Variants in RBFOX1 observed in about 807,000 individuals in gnomAD.
The protein encoded by RBFOX1 is RNA binding protein fox-1 homolog 1.
In RBFOX1, 8 loss-of-function variants were observed where a neutral mutation model predicts 57.7. The observed-to-expected ratio is 0.14, with a 90% CI of 0.08 to 0.25. The LOEUF is 0.25. Ranked by LOEUF, RBFOX1 falls within the 10% of genes least tolerant of loss-of-function variation. RBFOX1 has a pLI of 1.00. For missense variants in RBFOX1, 611 were observed against 548.5 expected (o/e 1.11, Z -1.14); for synonymous variants, 326 against 222.4 (o/e 1.47, Z -4.15).
chr16:7,055,579 C>T (rs2051894334), intron 4 of RBFOX1, among the ~76,000 whole-genome samples: 1 of 152,126 alleles, frequency 6.6e-6, no homozygotes, highest in Non-Finnish European at 1.5e-5. Context: ...CATTTTACTG[C>T]AGGAAAATAA....
chr16:6,767,914 CAAT>C (rs71408408), intron 3 of RBFOX1, among the ~76,000 whole-genome samples: 4,841 of 117,718 alleles, frequency 0.041, 95 homozygotes, highest in Middle Eastern at 0.11. Flanking sequence ...GACTCTATCT[CAAT>C]AATAATAATA....
chr16:5,923,062 C>A (rs1186033827), intron 4 of RBFOX1, among the ~76,000 whole-genome samples: 1 of 152,120 alleles, frequency 6.6e-6, no homozygotes, highest in African/African-American at 2.4e-5. Context: ...GGATGGTTTT[C>A]ACATTAACCT....
At chr16:7,242,482 A>G (rs2094115472) in intron 4 of RBFOX1, among the ~76,000 whole-genome samples, 1 of 152,200 alleles carries the variant, frequency 6.6e-6, no homozygotes, top group Admixed American at 6.5e-5. Context: ...TTGAATTTAT[A>G]GATACAGTGT....
intron 2 of RBFOX1, among the ~76,000 whole-genome samples, chr16:6,549,978 T>C (rs911643069): frequency 2.0e-5 from 3 of 152,200 alleles, no homozygotes; most frequent in African/African-American, 7.2e-5. Flanking sequence ...CAGTGGATTT[T>C]CTGACACTTT....
chr16:6,308,706 A>G (rs528490935), intron 1 of RBFOX1, among the ~76,000 whole-genome samples: 2 of 152,336 alleles, frequency 1.3e-5, no homozygotes, highest in Admixed American at 6.5e-5. Context: ...CAGAAATTGC[A>G]TCCCTGATTT....
chr16:6,947,554 A>G (rs981992050), intron 3 of RBFOX1, among the ~76,000 whole-genome samples: 7 of 152,146 alleles, frequency 4.6e-5, no homozygotes, highest in Admixed American at 1.3e-4. Context: ...ACATGAATGG[A>G]CTTGAGTTCC....
rs764749804 is a variant in RBFOX1, at chr16:6,655,038, C to A, written c.-16+388C>A. 3.2e-4 allele frequency among the ~76,000 whole-genome samples: 49 copies of A among 151,534 alleles called. 1 individual carries two copies. The highest frequency in any genetic ancestry group is 3.7e-4 in the Non-Finnish European group (25 of 67,954). ...ACATTATAGAATATATAATATTAGG[C>A]TTCCCAGGGTGTGTCCCTATATATC... On this transcript the variant is annotated intron_variant, in intron 3 of 15. Transcript: ENST00000550418.
intron 3 of RBFOX1, among the ~76,000 whole-genome samples, chr16:6,824,794 A>T (rs537783503): frequency 6.6e-6 from 1 of 152,078 alleles, no homozygotes; most frequent in Non-Finnish European, 1.5e-5. Flanking sequence ...AATTAAATAT[A>T]TTTTTAAATT....
At chr16:6,990,493 C>A (rs147269855) in intron 3 of RBFOX1, among the ~76,000 whole-genome samples, 1 of 151,976 alleles carries the variant, frequency 6.6e-6, no homozygotes. Flanking sequence ...CCACTGCATT[C>A]CCACCTGGGC....
chr16:7,441,028 G>C (rs567838907), intron 4 of RBFOX1, among the ~76,000 whole-genome samples: 39 of 148,356 alleles, frequency 2.6e-4, no homozygotes, highest in South Asian at 4.4e-4. Flanking sequence ...GGTGACAGAG[G>C]ACCCATTTCT....
chr16:7,664,817 T>G, intron 12 of RBFOX1, 112 bp from the exon 13 acceptor site: 1 of 1,588,724 alleles, frequency 6.3e-7, no homozygotes, highest in Non-Finnish European at 8.6e-7. Context: ...GATCCTCGGT[T>G]CCTGTGTTTT....
intron 2 of RBFOX1, among the ~76,000 whole-genome samples, chr16:5,561,633 C>G (rs560628570): frequency 1.5e-4 from 23 of 152,140 alleles, no homozygotes; most frequent in Non-Finnish European, 1.9e-4. Flanking sequence ...TAATACTAGA[C>G]CTTTATATGA....
intron 3 of RBFOX1, among the ~76,000 whole-genome samples, chr16:6,788,822 C>G (rs912050007): frequency 2.0e-5 from 3 of 152,040 alleles, no homozygotes; most frequent in African/African-American, 7.2e-5. Flanking sequence ...TACGATGTGC[C>G]AATTTCCATC....
intron 4 of RBFOX1, among the ~76,000 whole-genome samples, chr16:7,326,983 C>T (rs1257235316): frequency 1.3e-5 from 2 of 152,132 alleles, no homozygotes; most frequent in Non-Finnish European, 2.9e-5. Context: ...GAAGAAATGG[C>T]ATACTTCCTT....
At chr16:7,146,965 A>G (rs1414730099) in intron 4 of RBFOX1, among the ~76,000 whole-genome samples, 4 of 35,904 alleles carry the variant, frequency 1.1e-4, no homozygotes, top group Non-Finnish European at 2.1e-4. Context: ...ATGATAAAAA[A>G]GAACAACGAC....
At chr16:7,568,272 A>C (rs2092346777) in intron 5 of RBFOX1, among the ~76,000 whole-genome samples, 1 of 152,200 alleles carries the variant, frequency 6.6e-6, no homozygotes, top group East Asian at 1.9e-4. Context: ...TGTATTAAAC[A>C]AGGGGTGGAT....
chr16:6,686,884 A>C (rs1245455104), intron 3 of RBFOX1, among the ~76,000 whole-genome samples: 1 of 152,164 alleles, frequency 6.6e-6, no homozygotes, highest in African/African-American at 2.4e-5. Context: ...GACAATGATA[A>C]TCTTCCAAGA....
intron 3 of RBFOX1, among the ~76,000 whole-genome samples, chr16:5,687,439 G>A (rs2050538983): frequency 6.6e-6 from 1 of 152,054 alleles, no homozygotes; most frequent in Non-Finnish European, 1.5e-5. Context: ...ACACTGATAT[G>A]TACATCTCAC....
intron 3 of RBFOX1, among the ~76,000 whole-genome samples, chr16:5,824,693 G>A (rs1329872216): frequency 6.6e-6 from 1 of 152,186 alleles, no homozygotes; most frequent in South Asian, 2.1e-4. Context: ...GCCTTTGCAG[G>A]GCATCTGAGG....
Sources: gnomAD v4.1 joint callset for allele counts (sites outside exome capture counted in the v4.1 genomes callset) on GRCh38, gnomAD v4.1.1 for gene constraint, MANE v1.5 for transcripts, NCBI Gene and HGNC (gene_info 2026-07-23, HGNC 2026-07-21) for gene names.